SUGCT: variants seen among roughly 807,000 people sequenced by gnomAD.
SUGCT encodes succinyl-CoA:glutarate CoA-transferase.
SUGCT carries 41 observed loss-of-function variants against 55.0 expected under a neutral mutation model. That is an observed-to-expected ratio of 0.74 (90% confidence interval 0.58 to 0.97). The LOEUF is 0.97. SUGCT is among the 50% of genes least tolerant of loss of function. The pLI is 0.00. For missense variants in SUGCT, 568 were observed against 547.8 expected (o/e 1.04, Z -0.37); for synonymous variants, 187 against 200.4 (o/e 0.93, Z 0.56).
intron 12 of SUGCT, among the ~76,000 whole-genome samples, chr7:40,737,396 A>G (rs1562971704): frequency 1.3e-5 from 2 of 152,244 alleles, no homozygotes; most frequent in African/African-American, 2.4e-5. Flanking sequence ...TTAGAAAGTA[A>G]TAGTGGCTAA....
At chr7:40,522,754 C>T (rs921978664) in intron 12 of SUGCT, among the ~76,000 whole-genome samples, 4 of 152,148 alleles carry the variant, frequency 2.6e-5, no homozygotes, top group Admixed American at 1.3e-4. Context: ...AGTTGCTATA[C>T]GAATAACCCA....
intron 13 of SUGCT, among the ~76,000 whole-genome samples, chr7:40,811,008 T>C (rs531017454): frequency 6.6e-6 from 1 of 152,332 alleles, no homozygotes; most frequent in Non-Finnish European, 1.5e-5. Context: ...TTCCAGGTAT[T>C]GAATAGGGAA....
At chr7:40,456,850 G>T (rs554717156) in intron 10 of SUGCT, among the ~76,000 whole-genome samples, 1 of 152,266 alleles carries the variant, frequency 6.6e-6, no homozygotes, top group South Asian at 2.1e-4. Context: ...AATGAGCAAG[G>T]GAGGAGAGCA....
At chr7:40,279,108 A>G (rs1792763570) in intron 8 of SUGCT, among the ~76,000 whole-genome samples, 1 of 150,958 alleles carries the variant, frequency 6.6e-6, no homozygotes, top group Non-Finnish European at 1.5e-5. Context: ...ACATGTTGGT[A>G]TTGCAGGTGT....
chr7:40,388,195 C>T (rs912147467), intron 9 of SUGCT: 1 of 152,196 alleles, frequency 6.6e-6, no homozygotes, highest in African/African-American at 2.4e-5. Context: ...ACAGAGCCTA[C>T]ACCTGGAACA....
chr7:40,932,901 G>A, the SUGCT span, among the ~76,000 whole-genome samples: 13 of 152,018 alleles, frequency 8.6e-5, no homozygotes, highest in East Asian at 7.7e-4. Flanking sequence ...GCCAGTCTGC[G>A]TCTTTTAATT....
At chr7:40,933,759 C>A in the SUGCT span, among the ~76,000 whole-genome samples, 1 of 152,172 alleles carries the variant, frequency 6.6e-6, no homozygotes. Flanking sequence ...TCACAAAGTT[C>A]TTATGCCATG....
At chr7:40,388,509 A>G (rs1288755462) in intron 9 of SUGCT, among the ~76,000 whole-genome samples, 3 of 152,066 alleles carry the variant, frequency 2.0e-5, no homozygotes, top group African/African-American at 7.2e-5. Context: ...TCCACCACCC[A>G]GATTCAAGTG....
At chr7:40,514,172 T>G (rs1793105075) in intron 12 of SUGCT, among the ~76,000 whole-genome samples, 1 of 151,978 alleles carries the variant, frequency 6.6e-6, no homozygotes, top group Non-Finnish European at 1.5e-5. Context: ...CAGAAACTTA[T>G]GCATAGAAAA....
At chr7:40,422,331 C>T (rs775584662) in intron 9 of SUGCT, among the ~76,000 whole-genome samples, 24 of 152,046 alleles carry the variant, frequency 1.6e-4, no homozygotes, top group Non-Finnish European at 2.8e-4. Context: ...TTGGGGCAAT[C>T]ACTGCTAAAA....
chr7:40,586,132 C>A (rs932498141), intron 12 of SUGCT, among the ~76,000 whole-genome samples: 1 of 152,062 alleles, frequency 6.6e-6, no homozygotes, highest in East Asian at 1.9e-4. Context: ...GAATGTCTTG[C>A]ACAGAATAGG....
At chr7:40,353,783 A>G (rs1036323126) in intron 9 of SUGCT, among the ~76,000 whole-genome samples, 1 of 152,312 alleles carries the variant, frequency 6.6e-6, no homozygotes, top group Non-Finnish European at 1.5e-5. Flanking sequence ...TCAAACTTAA[A>G]TGTGTCTGAA....
intron 13 of SUGCT, among the ~76,000 whole-genome samples, chr7:40,855,847 A>T (rs1441139235): frequency 6.6e-6 from 1 of 152,200 alleles, no homozygotes; most frequent in Non-Finnish European, 1.5e-5. Flanking sequence ...ATCCATATTA[A>T]AAATTTTTAA....
chr7:40,550,461 T>C (rs1198495835), intron 12 of SUGCT, among the ~76,000 whole-genome samples: 1 of 152,194 alleles, frequency 6.6e-6, no homozygotes, highest in Admixed American at 6.5e-5. Flanking sequence ...TCTCTTCTTG[T>C]ATGAGAAAGC....
chr7:40,463,464 G>A (rs1303394710), intron 11 of SUGCT, among the ~76,000 whole-genome samples: 2 of 152,030 alleles, frequency 1.3e-5, no homozygotes, highest in Non-Finnish European at 2.9e-5. Flanking sequence ...TCCCCTCCCT[G>A]TCCCTTGTAA....
chr7:40,650,571 A>T (rs893637617), intron 12 of SUGCT, among the ~76,000 whole-genome samples: 1 of 152,192 alleles, frequency 6.6e-6, no homozygotes, highest in Non-Finnish European at 1.5e-5. Context: ...GATCCCATGG[A>T]CATGTTTTAG....
intron 13 of SUGCT, among the ~76,000 whole-genome samples, chr7:40,829,220 C>T (rs549429604): frequency 1.9e-4 from 29 of 152,258 alleles, no homozygotes; most frequent in Admixed American, 1.4e-3. Context: ...TAGCATATAA[C>T]GAAGACTGTG....
the SUGCT span, among the ~76,000 whole-genome samples, chr7:41,026,274 G>A: frequency 6.6e-6 from 1 of 152,174 alleles, no homozygotes; most frequent in Non-Finnish European, 1.5e-5. Flanking sequence ...TGTGCTGAAG[G>A]GGGTATGTTT....
chr7:40,389,090 GACTA>G (rs1457064933), intron 9 of SUGCT, among the ~76,000 whole-genome samples: 1 of 152,086 alleles, frequency 6.6e-6, no homozygotes, highest in East Asian at 1.9e-4. Flanking sequence ...GCACTAAAAA[GACTA>G]ACTTAGATAA....
Sources: allele counts gnomAD v4.1 joint callset (sites outside exome capture counted in the v4.1 genomes callset), GRCh38; gene constraint gnomAD v4.1.1; transcripts MANE v1.5; gene names NCBI Gene and HGNC (gene_info 2026-07-23, HGNC 2026-07-21).